The following GRM8 variants were observed in gnomAD, a reference collection of about 807,000 sequenced individuals.
The protein encoded by GRM8 is glutamate metabotropic receptor 8, also known as metabotropic glutamate receptor 8.
Under a neutral mutation model 87.2 loss-of-function variants are expected in GRM8, and 47 were observed. The observed-to-expected ratio is 0.54, with a 90% CI of 0.43 to 0.69. The LOEUF (loss-of-function observed/expected upper bound fraction) is 0.69, where lower values mean the gene tolerates loss of function less well. Among genes scored for constraint, GRM8 ranks in the 30% least tolerant of loss-of-function variants. The probability of loss-of-function intolerance (pLI) is 0.00; values close to 1 mark genes in which losing one functional copy is unlikely to be tolerated. For missense variants in GRM8, 1,019 were observed against 1,139.2 expected, an observed-to-expected ratio of 0.89 and a Z score of 1.52; for synonymous variants, 396 against 404.5, an observed-to-expected ratio of 0.98 and a Z score of 0.25.
chr7:126,860,041 C>A (rs1257860520), intron 6 of GRM8, among the ~76,000 whole-genome samples: 1 of 152,110 alleles, frequency 6.6e-6, no homozygotes, highest in Non-Finnish European at 1.5e-5. Context: ...TCACATTTAA[C>A]TATAAAAACA....
chr7:126,513,520 A>G (rs563475651), intron 9 of GRM8, among the ~76,000 whole-genome samples: 7 of 152,258 alleles, frequency 4.6e-5, no homozygotes, highest in Admixed American at 1.3e-4. Flanking sequence ...ATGCAACTGG[A>G]AGAAACTTGT....
intron 3 of GRM8, among the ~76,000 whole-genome samples, chr7:127,057,562 AAAC>A (rs1820122561): frequency 2.6e-5 from 4 of 152,232 alleles, no homozygotes; most frequent in African/African-American, 9.6e-5. Context: ...ATACAAAGTA[AAAC>A]ATATTTGAAA....
intron 7 of GRM8, among the ~76,000 whole-genome samples, chr7:126,645,506 A>T (rs923316545): frequency 2.0e-5 from 3 of 151,906 alleles, no homozygotes; most frequent in Non-Finnish European, 4.4e-5. Context: ...GTCCATAAAA[A>T]CCCTAGCCTC....
In GRM8 at chr7:127,180,080, TAAATA is replaced by T. The variant is rs200945308; in HGVS notation, c.510+62610_510+62614del. ...ACAAAAAGCTGGTTATTTAAAAAGA[TAAATA>T]AAATTGATAGACCATCAGCAAGATT... On this transcript the variant is annotated intron_variant, in intron 2 of 10. Coordinates refer to ENST00000339582, the MANE Select transcript of GRM8 (RefSeq NM_000845.3). 9.0e-3 allele frequency among the ~76,000 whole-genome samples: 1,373 copies of T among 151,990 alleles called. 18 individuals are homozygous for T. The highest frequency in any genetic ancestry group is 0.031 in the African/African-American group (1,302 of 41,482).
intron 7 of GRM8, among the ~76,000 whole-genome samples, chr7:126,659,791 T>C (rs1476673171): frequency 6.6e-6 from 1 of 152,216 alleles, no homozygotes; most frequent in Admixed American, 6.5e-5. Context: ...AAGTGTGGAT[T>C]GATATCCTTG....
At chr7:127,168,826 A>T (rs981486743) in intron 2 of GRM8, among the ~76,000 whole-genome samples, 1 of 151,294 alleles carries the variant, frequency 6.6e-6, no homozygotes, top group African/African-American at 2.4e-5. Context: ...GGACACAGGA[A>T]GGGGAACATC....
chr7:126,764,891 T>C (rs1818022277), intron 7 of GRM8, among the ~76,000 whole-genome samples: 1 of 152,066 alleles, frequency 6.6e-6, no homozygotes, highest in Admixed American at 6.6e-5. Flanking sequence ...GCAATGAGAT[T>C]CAGATACCTA....
intron 7 of GRM8, among the ~76,000 whole-genome samples, chr7:126,634,308 T>C (rs1223794262): frequency 6.6e-6 from 1 of 152,156 alleles, no homozygotes; most frequent in Non-Finnish European, 1.5e-5. Context: ...CATTCTCATA[T>C]TGAAGTCCTG....
intron 8 of GRM8, among the ~76,000 whole-genome samples, chr7:126,550,030 A>G (rs1792401751): frequency 8.3e-6 from 1 of 120,686 alleles, no homozygotes; most frequent in African/African-American, 2.7e-5. Flanking sequence ...ATGGGCAACA[A>G]AGCAAACAGC....
chr7:126,863,904 A>C (rs927697237), intron 6 of GRM8, among the ~76,000 whole-genome samples: 1 of 151,512 alleles, frequency 6.6e-6, no homozygotes, highest in African/African-American at 2.4e-5. Context: ...TCTGATATTA[A>C]TTTACTATAC....
At chr7:127,204,186 G>C (rs921068186) in intron 2 of GRM8, among the ~76,000 whole-genome samples, 1 of 152,180 alleles carries the variant, frequency 6.6e-6, no homozygotes, top group African/African-American at 2.4e-5. Context: ...ATTCTGTAAT[G>C]TTCTTTATCA....
At chr7:127,012,069 T>C (rs1226183761) in intron 3 of GRM8, among the ~76,000 whole-genome samples, 1 of 152,092 alleles carries the variant, frequency 6.6e-6, no homozygotes, top group South Asian at 2.1e-4. Context: ...GAAATGTGAG[T>C]GTAGTGATCC....
intron 7 of GRM8, among the ~76,000 whole-genome samples, chr7:126,694,738 C>T (rs766137969): frequency 2.6e-5 from 4 of 152,222 alleles, no homozygotes; most frequent in Non-Finnish European, 5.9e-5. Flanking sequence ...TTTAATGACG[C>T]TTTCATGCAT....
chr7:127,193,256 A>G lies in GRM8; in HGVS notation c.510+49439T>C, dbSNP rs575651736. On this transcript the variant is annotated intron_variant, in intron 2 of 10. Coordinates refer to ENST00000339582, the MANE Select transcript of GRM8 (RefSeq NM_000845.3). Reference sequence around the variant, plus strand: ...TTTCTTCTCGACAAAAGAACACAACATCATCATACATACAACCTTCAAACA... The same window carrying G: ...TTTCTTCTCGACAAAAGAACACAACGTCATCATACATACAACCTTCAAACA... Among the ~76,000 whole-genome samples the G allele has an allele frequency of 1.2e-4, 19 of 152,360 alleles. No homozygotes were observed. In the South Asian group the frequency reaches 3.3e-3, roughly 27 times the overall value.
At chr7:126,564,984 A>G (rs1794077504) in intron 8 of GRM8, among the ~76,000 whole-genome samples, 1 of 152,188 alleles carries the variant, frequency 6.6e-6, no homozygotes, top group Admixed American at 6.5e-5. Flanking sequence ...TAGAAGCAGA[A>G]AGGCATTTGA....
intron 6 of GRM8, among the ~76,000 whole-genome samples, chr7:126,864,412 G>A (rs146026267): frequency 1.2e-3 from 176 of 151,608 alleles, no homozygotes; most frequent in Non-Finnish European, 2.2e-3. Context: ...CTAGGTCTAC[G>A]TATTCCATCA....
At chr7:127,180,870 A>G (rs1794394674) in intron 2 of GRM8, among the ~76,000 whole-genome samples, 2 of 152,154 alleles carry the variant, frequency 1.3e-5, no homozygotes, top group Non-Finnish European at 2.9e-5. Flanking sequence ...ATCTATGACA[A>G]AACCATAGCC....
intron 9 of GRM8, among the ~76,000 whole-genome samples, chr7:126,518,256 G>C (rs935352456): frequency 1.3e-5 from 2 of 151,998 alleles, no homozygotes; most frequent in Non-Finnish European, 2.9e-5. Flanking sequence ...AACTTTTCTG[G>C]GGTCACATCA....
intron 9 of GRM8, chr7:126,447,148 T>G (rs939699293): frequency 1.3e-5 from 2 of 151,852 alleles, no homozygotes; most frequent in Non-Finnish European, 2.9e-5. Context: ...AGAGAGCTCT[T>G]TCTGGAAGGT....
Sources: allele counts gnomAD v4.1 joint callset (sites outside exome capture counted in the v4.1 genomes callset), GRCh38; gene constraint gnomAD v4.1.1; transcripts MANE v1.5; gene names NCBI Gene and HGNC (gene_info 2026-07-23, HGNC 2026-07-21).